Variants in SLC4A4 observed in about 807,000 individuals in gnomAD.
SLC4A4 encodes the protein solute carrier family 4 member 4.
Under a neutral mutation model 111.5 loss-of-function variants are expected in SLC4A4, and 27 were observed. The ratio of observed to expected loss-of-function variants is 0.24; its 90% confidence interval spans 0.18 to 0.33. SLC4A4 has a LOEUF of 0.33. SLC4A4 is among the 10% of genes least tolerant of loss of function. SLC4A4 has a pLI of 1.00. For missense variants in SLC4A4, 909 were observed against 1,315.5 expected, an observed-to-expected ratio of 0.69 and a Z score of 4.78; for synonymous variants, 443 against 463.4, an observed-to-expected ratio of 0.96 and a Z score of 0.57.
At position 71,172,148 on chromosome 4, in the gene SLC4A4, T is replaced by G. The variant is rs191608857; in HGVS notation, c.-1-64428T>G. On this transcript the variant is annotated intron_variant, in intron 2 of 26. Transcript: ENST00000649996. ...GATCAAAGTTACTTAAACACTTAGA[T>G]GAAAGCTTGAGAGGAAAGGAGTTTA... Among the ~76,000 whole-genome samples, 379 of 152,340 alleles carry G rather than the reference T, an allele frequency of 2.5e-3. 5 individuals are homozygous for G. The highest frequency in any genetic ancestry group is 2.5e-3 in the Non-Finnish European group (173 of 68,032).
chr4:71,440,886 G>T (rs993926013), intron 8 of SLC4A4, 113 bp downstream of exon 8: 98 of 1,220,788 alleles, frequency 8.0e-5, no homozygotes, highest in Admixed American at 1.1e-4. Flanking sequence ...CATTGGAGAG[G>T]TTTAACTTGA....
At chr4:71,134,283 A>G (rs1466764798) in intron 2 of SLC4A4, among the ~76,000 whole-genome samples, 1 of 152,216 alleles carries the variant, frequency 6.6e-6, no homozygotes, top group Non-Finnish European at 1.5e-5. Context: ...GGCCAGGGGT[A>G]TATTCTCCCA....
At chr4:71,422,770 T>G (rs1044225230) in intron 7 of SLC4A4, among the ~76,000 whole-genome samples, 1 of 152,092 alleles carries the variant, frequency 6.6e-6, no homozygotes, top group African/African-American at 2.4e-5. Flanking sequence ...AGAAAAGGCC[T>G]TTGACAAAAT....
intron 12 of SLC4A4, among the ~76,000 whole-genome samples, chr4:71,464,061 C>T (rs745745119): frequency 1.2e-4 from 19 of 152,272 alleles, no homozygotes; most frequent in Middle Eastern, 3.4e-3. Flanking sequence ...TGTCCTGCCA[C>T]AGGAAGCATT....
intron 1 of SLC4A4, among the ~76,000 whole-genome samples, chr4:71,223,628 G>C (rs2149025120): frequency 6.6e-6 from 1 of 152,220 alleles, no homozygotes; most frequent in African/African-American, 2.4e-5. Context: ...GAAGATGCTT[G>C]CATGTGGGCC....
intron 7 of SLC4A4, among the ~76,000 whole-genome samples, chr4:71,410,808 A>G (rs1721298885): frequency 6.6e-6 from 1 of 152,184 alleles, no homozygotes; most frequent in African/African-American, 2.4e-5. Context: ...AATTAGTTCC[A>G]CAGGAGTATA....
At position 71,568,263 on chromosome 4, in the gene SLC4A4, T is replaced by A. The variant is rs1312141438; in HGVS notation, c.*512T>A. 5.2e-6 allele frequency: 1 copy of A among 191,014 alleles called. No individual in the cohort carries two copies. The highest frequency in any genetic ancestry group is 6.4e-5 in the Admixed American group (1 of 15,522). 11.8% of individuals were successfully genotyped at this position (191,014 alleles called of 1,614,324 possible). ...GTTGAAGGAACTTAAAACTTTAGCT[T>A]TGGAGCTGTGCTTACTGGCTTGTCT... On this transcript the variant is annotated 3_prime_UTR_variant, in exon 26 of 26. Transcript: ENST00000264485.
chr4:71,157,443 AAT>A (rs1744508133), intron 2 of SLC4A4, among the ~76,000 whole-genome samples: 2 of 152,290 alleles, frequency 1.3e-5, no homozygotes, highest in Admixed American at 1.3e-4. Flanking sequence ...TTGTCATTAA[AAT>A]ATATATTTCT....
At chr4:71,287,822 A>G (rs1011786453) in intron 3 of SLC4A4, among the ~76,000 whole-genome samples, 1 of 152,244 alleles carries the variant, frequency 6.6e-6, no homozygotes, top group Non-Finnish European at 1.5e-5. Flanking sequence ...ACTCTGGACT[A>G]GAAGTCAAAA....
At chr4:71,107,799 C>T (rs1307923921) in intron 2 of SLC4A4, among the ~76,000 whole-genome samples, 2 of 151,942 alleles carry the variant, frequency 1.3e-5, no homozygotes, top group African/African-American at 2.4e-5. Flanking sequence ...CCTCAAACTC[C>T]TGTGCTTAAG....
intron 17 of SLC4A4, 88 bp downstream of exon 17, chr4:71,532,263 A>C: frequency 1.2e-6 from 1 of 836,154 alleles, no homozygotes; most frequent in East Asian, 2.5e-5. Flanking sequence ...TCTTTGAGTT[A>C]GTTTTGTACA....
intron 6 of SLC4A4, among the ~76,000 whole-genome samples, chr4:71,366,652 T>C (rs2148926692): frequency 6.6e-6 from 1 of 152,310 alleles, no homozygotes; most frequent in Admixed American, 6.5e-5. Flanking sequence ...GTTTATTTTG[T>C]AGCTCAAGTG....
chr4:71,268,227 G>T (rs769650916), intron 3 of SLC4A4, among the ~76,000 whole-genome samples: 2 of 151,884 alleles, frequency 1.3e-5, no homozygotes, highest in Non-Finnish European at 2.9e-5. Flanking sequence ...ATCCCTTAAG[G>T]ATACCAATTC....
chr4:71,171,182 T>C (rs1294018453), intron 2 of SLC4A4, among the ~76,000 whole-genome samples: 1 of 151,550 alleles, frequency 6.6e-6, no homozygotes, highest in African/African-American at 2.4e-5. Flanking sequence ...TTTTTAAGAA[T>C]GGTGGGAGGT....
At chr4:71,306,763 A>G (rs758738482) in intron 3 of SLC4A4, among the ~76,000 whole-genome samples, 1 of 152,214 alleles carries the variant, frequency 6.6e-6, no homozygotes. Flanking sequence ...CCACTTCACA[A>G]ATAACTCAGT....
intron 2 of SLC4A4, among the ~76,000 whole-genome samples, chr4:71,146,314 A>G (rs1394415977): frequency 2.0e-5 from 3 of 152,134 alleles, no homozygotes; most frequent in Non-Finnish European, 4.4e-5. Flanking sequence ...TCTGAGAGAC[A>G]GTTTGTTATA....
intron 2 of SLC4A4, among the ~76,000 whole-genome samples, chr4:71,176,239 C>G (rs1390396941): frequency 6.6e-6 from 1 of 152,172 alleles, no homozygotes; most frequent in Admixed American, 6.5e-5. Context: ...AAAAACAGAA[C>G]AGAAACACTG....
chr4:71,500,950 ATT>A (rs1730868485), intron 16 of SLC4A4, among the ~76,000 whole-genome samples: 1 of 152,044 alleles, frequency 6.6e-6, no homozygotes, highest in Non-Finnish European at 1.5e-5. Flanking sequence ...GTCTTTTGTG[ATT>A]TGATACAAAT....
Position 71,497,710 on chromosome 4 carries a change from A to T in SLC4A4, c.2166+18A>T. On this transcript the variant is annotated intron_variant, in intron 16 of 25. Coordinates refer to ENST00000264485, the MANE Select transcript of SLC4A4 (RefSeq NM_001098484.3). ...CAACCACAGTAAGTACCTGAACTTTAAATGATTTTCATTGGATTTACACTG... is the reference window on the plus strand; with the variant it reads ...CAACCACAGTAAGTACCTGAACTTTTAATGATTTTCATTGGATTTACACTG... 1 of 1,592,714 alleles carries T rather than the reference A, an allele frequency of 6.3e-7. No individual in the cohort carries two copies.
Sources: allele counts gnomAD v4.1 joint callset (sites outside exome capture counted in the v4.1 genomes callset), GRCh38; gene constraint gnomAD v4.1.1; transcripts MANE v1.5; gene names NCBI Gene and HGNC (gene_info 2026-07-23, HGNC 2026-07-21).